Variants in GPR39 observed in about 807,000 individuals in gnomAD.
The protein encoded by GPR39 is zinc sensing receptor.
In GPR39, 23 loss-of-function variants were observed where a neutral mutation model predicts 18.4. That is an observed-to-expected ratio of 1.25 (90% CI 0.90 to 1.77). GPR39 has a LOEUF of 1.77. Among genes scored for constraint, GPR39 ranks in the 40% most tolerant of loss-of-function variants. GPR39 has a pLI of 0.00. For synonymous variants in GPR39, 280 were observed against 257.9 expected (o/e 1.09, Z -0.82); for missense variants, 647 against 602.4 (o/e 1.07, Z -0.78).
chr2:132,616,256 G>A (rs1005533579), intron 1 of GPR39, among the ~76,000 whole-genome samples: 1 of 152,176 alleles, frequency 6.6e-6, no homozygotes, highest in African/African-American at 2.4e-5. Flanking sequence ...CCTGGGGTTA[G>A]GGGAGGTGGT....
chr2:132,470,749 G>A (rs1681015706), intron 1 of GPR39, among the ~76,000 whole-genome samples: 1 of 151,736 alleles, frequency 6.6e-6, no homozygotes. Flanking sequence ...GAGACAGGGA[G>A]GGCACGGAAA....
intron 1 of GPR39, among the ~76,000 whole-genome samples, chr2:132,566,878 C>T (rs944200452): frequency 3.9e-5 from 6 of 152,196 alleles, no homozygotes; most frequent in Non-Finnish European, 7.3e-5. Flanking sequence ...TGTTCCATAC[C>T]TTCAGCGTCC....
intron 1 of GPR39, among the ~76,000 whole-genome samples, chr2:132,535,571 C>G (rs1272382110): frequency 6.6e-6 from 1 of 151,746 alleles, no homozygotes; most frequent in Non-Finnish European, 1.5e-5. Flanking sequence ...TGATGCTGGC[C>G]TCATAAAATG....
At chr2:132,583,238 C>A (rs1226131309) in intron 1 of GPR39, among the ~76,000 whole-genome samples, 5 of 151,978 alleles carry the variant, frequency 3.3e-5, no homozygotes, top group African/African-American at 1.2e-4. Context: ...GAAATGTATT[C>A]CAAGTGTGCC....
intron 1 of GPR39, among the ~76,000 whole-genome samples, chr2:132,591,241 G>C (rs1680831415): frequency 8.5e-6 from 1 of 118,266 alleles, no homozygotes; most frequent in Non-Finnish European, 1.6e-5. Flanking sequence ...CTGGGCGACA[G>C]AGCGAGACTC....
Position 132,513,452 on chromosome 2 carries a change from G to A in GPR39, c.856+95554G>A, listed in dbSNP as rs189878606. On this transcript the variant is annotated intron_variant, in intron 1 of 1. Transcript: ENST00000329321. ...CACTCCAGCCTGGGTGACAGAGCAAGACTCTGTCTCAAAAAAAAAGAGTCT... is the reference window on the plus strand; with the variant it reads ...CACTCCAGCCTGGGTGACAGAGCAAAACTCTGTCTCAAAAAAAAAGAGTCT... Among the ~76,000 whole-genome samples, 439 of 128,130 alleles carry A rather than the reference G, an allele frequency of 3.4e-3. 1 individual carries two copies. The highest frequency in any genetic ancestry group is 0.012 in the African/African-American group (414 of 34,078). 84.1% of individuals were successfully genotyped at this position (128,130 alleles called of 152,430 possible). A position where few individuals can be genotyped will look rare whatever the true frequency, so the allele number is the denominator to read the frequency against.
At chr2:132,455,089 C>T (rs188486697) in intron 1 of GPR39, among the ~76,000 whole-genome samples, 19 of 152,248 alleles carry the variant, frequency 1.2e-4, no homozygotes, top group Middle Eastern at 3.4e-3. Flanking sequence ...TGGTAGAATT[C>T]GGCTGTGAAC....
At chr2:132,576,247 A>G (rs150465751) in intron 1 of GPR39, among the ~76,000 whole-genome samples, 2 of 152,180 alleles carry the variant, frequency 1.3e-5, no homozygotes, top group African/African-American at 4.8e-5. Context: ...ATTTTCTCTC[A>G]GTTGGTTGCT....
chr2:132,515,968 T>C (rs1679324571), intron 1 of GPR39, among the ~76,000 whole-genome samples: 1 of 152,360 alleles, frequency 6.6e-6, no homozygotes, highest in Middle Eastern at 3.4e-3. Flanking sequence ...GTAAAATTTA[T>C]ATGAAGTAAA....
chr2:132,604,567 G>A (rs1681100728), intron 1 of GPR39: 1 of 152,176 alleles, frequency 6.6e-6, no homozygotes, highest in African/African-American at 2.4e-5. Flanking sequence ...TCTCTTGAGA[G>A]GTCTGCTATC....
chr2:132,511,730 G>A (rs761373426), intron 1 of GPR39, among the ~76,000 whole-genome samples: 17 of 152,168 alleles, frequency 1.1e-4, no homozygotes, highest in Non-Finnish European at 2.4e-4. Flanking sequence ...TATGTACTAC[G>A]TGCCAGGCAT....
At position 132,497,075 on chromosome 2, in the gene GPR39, G is replaced by A. The variant is rs896759046; in HGVS notation, c.856+79177G>A. 5.3e-5 allele frequency among the ~76,000 whole-genome samples: 8 copies of A among 152,104 alleles called. No homozygotes were observed. In the East Asian group the frequency reaches 9.6e-4, roughly 18 times the overall value. On this transcript the variant is annotated intron_variant, in intron 1 of 1. Transcript: ENST00000329321. Reference sequence around the variant, plus strand: ...TTATACATGCATATCTTTTAGTGCCGGTCTTTTAAGTTGATTGCTGCTGAG... The same window carrying A: ...TTATACATGCATATCTTTTAGTGCCAGTCTTTTAAGTTGATTGCTGCTGAG...
At chr2:132,506,828 C>T (rs1679143086) in intron 1 of GPR39, among the ~76,000 whole-genome samples, 1 of 151,822 alleles carries the variant, frequency 6.6e-6, no homozygotes, top group South Asian at 2.1e-4. Context: ...CATATCAGCC[C>T]TAAATTATTT....
At chr2:132,617,429 AG>A (rs1681356730) in intron 1 of GPR39, among the ~76,000 whole-genome samples, 1 of 152,212 alleles carries the variant, frequency 6.6e-6, no homozygotes, top group Non-Finnish European at 1.5e-5. Flanking sequence ...ACCAATCTTT[AG>A]AACACTTTAG....
chr2:132,520,003 A>T (rs1215956546), intron 1 of GPR39, among the ~76,000 whole-genome samples: 1 of 152,144 alleles, frequency 6.6e-6, no homozygotes, highest in Non-Finnish European at 1.5e-5. Context: ...TGCATTTCTT[A>T]ACAGTAGCCT....
At chr2:132,595,342 A>G (rs1230510868) in intron 1 of GPR39, among the ~76,000 whole-genome samples, 2 of 150,530 alleles carry the variant, frequency 1.3e-5, no homozygotes, top group Non-Finnish European at 2.9e-5. Flanking sequence ...GGTGGGCGGT[A>G]ATACTTGTAG....
intron 1 of GPR39, among the ~76,000 whole-genome samples, chr2:132,496,071 C>G (rs908212548): frequency 2.0e-5 from 3 of 152,146 alleles, no homozygotes; most frequent in African/African-American, 7.2e-5. Flanking sequence ...AAAACAGCCG[C>G]TGGGAAGGTT....
chr2:132,460,675 A>T (rs1680814646), intron 1 of GPR39, among the ~76,000 whole-genome samples: 1 of 152,162 alleles, frequency 6.6e-6, no homozygotes, highest in Non-Finnish European at 1.5e-5. Flanking sequence ...TGTGCTTAAA[A>T]CATGATGGAT....
At chr2:132,491,590 A>AG (rs1681462011) in intron 1 of GPR39, among the ~76,000 whole-genome samples, 1 of 151,940 alleles carries the variant, frequency 6.6e-6, no homozygotes, top group South Asian at 2.1e-4. Context: ...TCTGCAGGCC[A>AG]GAGGAAACTG....
Sources: allele counts gnomAD v4.1 joint callset (sites outside exome capture counted in the v4.1 genomes callset), GRCh38; gene constraint gnomAD v4.1.1; transcripts MANE v1.5; gene names NCBI Gene and HGNC (gene_info 2026-07-23, HGNC 2026-07-21).